LCORL: variants seen among roughly 807,000 people sequenced by gnomAD.
The protein encoded by LCORL is ligand-dependent nuclear receptor corepressor-like protein.
LCORL carries 41 observed loss-of-function variants against 141.8 expected under a neutral mutation model. The observed-to-expected ratio is 0.29, with a 90% CI of 0.23 to 0.38. The LOEUF is 0.38. LCORL is among the 10% of genes least tolerant of loss of function. The pLI, the probability that LCORL is intolerant of heterozygous loss-of-function variation, is 1.00. For synonymous variants in LCORL, 618 were observed against 694.1 expected (o/e 0.89, Z 1.72); for missense variants, 1,759 against 2,035.0 (o/e 0.86, Z 2.61).
intron 1 of LCORL, among the ~76,000 whole-genome samples, chr4:17,989,104 G>A (rs1719535054): frequency 6.6e-6 from 1 of 152,164 alleles, no homozygotes; most frequent in Admixed American, 6.5e-5. Context: ...TATATCTATA[G>A]ATTCTCTTAC....
At chr4:18,010,040 A>G (rs550564950) in intron 1 of LCORL, among the ~76,000 whole-genome samples, 1 of 152,328 alleles carries the variant, frequency 6.6e-6, no homozygotes, top group East Asian at 1.9e-4. Context: ...TTAAAAAAAG[A>G]GACACCAGTG....
intron 4 of LCORL, among the ~76,000 whole-genome samples, chr4:17,920,936 G>A: frequency 6.6e-6 from 1 of 152,190 alleles, no homozygotes; most frequent in African/African-American, 2.4e-5. Flanking sequence ...TTATCTATGA[G>A]GGTTGGAATC....
chr4:17,879,995 C>G (rs1181549341), intron 6 of LCORL, among the ~76,000 whole-genome samples: 1 of 151,002 alleles, frequency 6.6e-6, no homozygotes, highest in African/African-American at 2.4e-5. Flanking sequence ...CTTGATTAAG[C>G]TCACAAAATT....
chr4:18,009,890 T>A (rs1399227403), intron 1 of LCORL, among the ~76,000 whole-genome samples: 2 of 152,142 alleles, frequency 1.3e-5, no homozygotes, highest in Admixed American at 1.3e-4. Flanking sequence ...CCACTCCTCT[T>A]ACATGACGAT....
At chr4:17,877,780 G>C in exon 7 of LCORL, 9 of 1,230,608 alleles carry the variant, frequency 7.3e-6, no homozygotes, top group Non-Finnish European at 9.1e-6. Context: ...TGAATGTTTG[G>C]TAACAGTCCA....
At chr4:17,859,721 A>C (rs1724778790) in intron 7 of LCORL, among the ~76,000 whole-genome samples, 2 of 152,208 alleles carry the variant, frequency 1.3e-5, no homozygotes, top group East Asian at 3.8e-4. Context: ...AGACTTGGAG[A>C]AGAAATGCAA....
At position 18,005,316 on chromosome 4, in the gene LCORL, C is replaced by T. The variant is rs552735570; in HGVS notation, c.154+16282G>A. Among the ~76,000 whole-genome samples the T allele has an allele frequency of 2.0e-5, 3 of 152,322 alleles. No individual in the cohort carries two copies. The South Asian group carries it at 6.2e-4, about 32-fold the overall frequency. On this transcript the variant is annotated intron_variant, in intron 1 of 7. Transcript: ENST00000635767. ...GTTCCCATGGTCTTGGGCAGCTCTGCCCCTGTGGCTCCGCAGGGTACAGCC... is the reference window on the plus strand; with the variant it reads ...GTTCCCATGGTCTTGGGCAGCTCTGTCCCTGTGGCTCCGCAGGGTACAGCC...
intron 1 of LCORL, among the ~76,000 whole-genome samples, chr4:17,987,728 A>G (rs1446288131): frequency 6.6e-6 from 1 of 152,188 alleles, no homozygotes; most frequent in Non-Finnish European, 1.5e-5. Flanking sequence ...TCATTTCCCT[A>G]GTGACTAATG....
chr4:17,982,047 T>C (rs114788888), intron 1 of LCORL, among the ~76,000 whole-genome samples: 383 of 152,064 alleles, frequency 2.5e-3, no homozygotes, highest in African/African-American at 8.5e-3. Flanking sequence ...TCCATTTATG[T>C]CCCTGCAAAG....
At chr4:17,935,909 AT>A (rs1736777301) in intron 4 of LCORL, among the ~76,000 whole-genome samples, 1 of 152,202 alleles carries the variant, frequency 6.6e-6, no homozygotes, top group South Asian at 2.1e-4. Context: ...TTGAAAAGCA[AT>A]TTTGGAATTA....
intron 7 of LCORL, chr4:17,866,958 A>G (rs1725746807): frequency 4.1e-6 from 4 of 984,024 alleles, no homozygotes; most frequent in Middle Eastern, 5.2e-4. Context: ...AGCAGGTGGT[A>G]GCAGCTGGTT....
At chr4:17,978,812 GCT>G (rs1419296490) in intron 1 of LCORL, among the ~76,000 whole-genome samples, 1 of 152,156 alleles carries the variant, frequency 6.6e-6, no homozygotes, top group Non-Finnish European at 1.5e-5. Flanking sequence ...GATTTCTTGA[GCT>G]CTTTCTCTCT....
intron 4 of LCORL, among the ~76,000 whole-genome samples, chr4:17,919,778 C>T (rs1021632119): frequency 1.3e-5 from 2 of 152,206 alleles, no homozygotes; most frequent in Non-Finnish European, 2.9e-5. Flanking sequence ...CTCTCCTGCC[C>T]TCCTTTCACC....
At position 17,891,688 on chromosome 4, in the gene LCORL, C is replaced by G. The variant is rs374762562; in HGVS notation, c.683-5527G>C. On this transcript the variant is annotated intron_variant, in intron 5 of 7. Transcript: ENST00000635767. ...TGTAAACATGTAAATGCAAATGCTA[C>G]TATAACATTTTTAAAAGGTACGATA... Among the ~76,000 whole-genome samples, 30 of 152,116 alleles carry G rather than the reference C, an allele frequency of 2.0e-4. 1 individual carries two copies. In the South Asian group the frequency reaches 3.1e-3, roughly 16 times the overall value.
intron 1 of LCORL, among the ~76,000 whole-genome samples, chr4:17,984,674 G>C (rs753240778): frequency 6.6e-5 from 10 of 151,730 alleles, no homozygotes; most frequent in Non-Finnish European, 1.0e-4. Flanking sequence ...GTATTATCTA[G>C]CTAGTGACGT....
chr4:17,890,841 A>G (rs1440677563), intron 5 of LCORL, among the ~76,000 whole-genome samples: 2 of 152,046 alleles, frequency 1.3e-5, no homozygotes, highest in Non-Finnish European at 2.9e-5. Context: ...TTTAGTTAAA[A>G]TTCAGATTTC....
intron 1 of LCORL, among the ~76,000 whole-genome samples, chr4:17,974,662 G>A (rs1457771026): frequency 6.6e-6 from 1 of 151,942 alleles, no homozygotes; most frequent in African/African-American, 2.4e-5. Flanking sequence ...AAGCAAACTG[G>A]GAAATGATCC....
intron 4 of LCORL, among the ~76,000 whole-genome samples, chr4:17,918,098 G>C (rs1733743050): frequency 6.6e-6 from 1 of 152,196 alleles, no homozygotes; most frequent in Non-Finnish European, 1.5e-5. Context: ...TCAATCATTA[G>C]TTGATTGATC....
chr4:17,921,812 G>A (rs567337425), intron 4 of LCORL, among the ~76,000 whole-genome samples: 1 of 152,296 alleles, frequency 6.6e-6, no homozygotes, highest in South Asian at 2.1e-4. Context: ...TCAGCTGCCA[G>A]TTAGGCTAGG....
Sources: gnomAD v4.1 joint callset for allele counts (sites outside exome capture counted in the v4.1 genomes callset) on GRCh38, gnomAD v4.1.1 for gene constraint, MANE v1.5 for transcripts, NCBI Gene and HGNC (gene_info 2026-07-23, HGNC 2026-07-21) for gene names.